The following CTCFL variants were observed in gnomAD, a reference collection of about 807,000 sequenced individuals.
The protein encoded by CTCFL is CCCTC-binding factor like.
In CTCFL, 36 loss-of-function variants were observed where a neutral mutation model predicts 67.4. That is an observed-to-expected ratio of 0.53 (90% CI 0.41 to 0.71). CTCFL has a LOEUF of 0.71. CTCFL is among the 30% of genes least tolerant of loss of function. The probability of loss-of-function intolerance (pLI) is 0.00; values close to 1 mark genes in which losing one functional copy is unlikely to be tolerated. For synonymous variants in CTCFL, 324 were observed against 302.3 expected, an observed-to-expected ratio of 1.07 and a Z score of -0.75; for missense variants, 786 against 835.2, an observed-to-expected ratio of 0.94 and a Z score of 0.73.
chr20:57,513,328 G>T (rs2068686376), intron 7 of CTCFL: 2 of 986,038 alleles, frequency 2.0e-6, no homozygotes, highest in Non-Finnish European at 2.4e-6. Context: ...GGCTGGGTTT[G>T]CTCATCTAAG....
chr20:57,524,609 A>G (rs2069713043), intron 1 of CTCFL: 1 of 1,024,858 alleles, frequency 9.8e-7, no homozygotes, highest in African/African-American at 1.7e-5. Flanking sequence ...GTTTGGGCCC[A>G]GCAGGCTCTC....
chr20:57,512,610 G>A lies in CTCFL; in HGVS notation c.1473C>T (p.Cys491=). Residue 491 remains cysteine, a synonymous_variant, in exon 8 of 11, where the codon TGC becomes TGT. Transcript: ENST00000243914. The part of the protein sequence containing the change: ...KNEKRFKCKH[C]SYACKQERHM... ...ACAATACCTGCTTGCAGGCATAACTGCAGTGTTTGCACTTGAACCTCTTCT... is the reference window on the plus strand; with the variant it reads ...ACAATACCTGCTTGCAGGCATAACTACAGTGTTTGCACTTGAACCTCTTCT... 1 of 1,614,206 alleles carries A rather than the reference G, an allele frequency of 6.2e-7. No individual in the cohort carries two copies. The highest frequency in any genetic ancestry group is 8.5e-7 in the Non-Finnish European group (1 of 1,180,016).
intron 3 of CTCFL, among the ~76,000 whole-genome samples, chr20:57,522,124 A>T (rs933383727): frequency 6.6e-6 from 1 of 152,210 alleles, no homozygotes; most frequent in African/African-American, 2.4e-5. Flanking sequence ...AAAGGCTGCA[A>T]ACTCAACCAC....
chr20:57,518,860 G>T lies in CTCFL; in HGVS notation c.957C>A (p.Asn319Lys). The T allele has an allele frequency of 6.2e-7, 1 of 1,614,050 alleles. No homozygotes were observed. The highest frequency in any genetic ancestry group is 8.5e-7 in the Non-Finnish European group (1 of 1,179,944). The part of the protein sequence containing the change: ...GTRPYKCNDC[N>K]MAFVTSGELV... ...GTTCTCCACTGGTGACAAATGCCAT[G>T]TTGCAGTCGTTACACTTGTAGGGCC... Residue 319 changes from asparagine to lysine, a missense_variant, in exon 5 of 11, where the codon AAC becomes AAA. Asn to Lys is a moderately conservative substitution (Grantham distance 94, BLOSUM62 0). Around this residue, in one of 3 missense-constraint regions of CTCFL, gnomAD observed 254 missense variants for 333.9 expected, o/e 0.76. Transcript: ENST00000243914.
chr20:57,503,565 CT>C lies in CTCFL; in HGVS notation c.1710del (p.Glu572LysfsTer21), dbSNP rs2068026406. 1.9e-6 allele frequency: 3 copies of C among 1,614,074 alleles called. No homozygotes were observed. Among genetic ancestry groups the C allele is most frequent in the East Asian group, 2.2e-5 (1 of 44,866 alleles). ...CCTGAAGCAGCCGACTTTGCTTCCC[CT>C]GATCCACACTTCTCCGAATGTCTGT... ...NLHRHSEKCG[S>X]GEAKSAASGK... On this transcript the variant is annotated frameshift_variant, in exon 10 of 11. Transcript: ENST00000243914. LOFTEE classifies it high-confidence loss of function.
chr20:57,524,916 G>A lies in CTCFL; in HGVS notation c.-12+112C>T, dbSNP rs534638130. 2.0e-3 allele frequency: 450 copies of A among 224,888 alleles called. 1 individual carries two copies. The South Asian group carries it at 0.033, about 17-fold the overall frequency. The allele number at this position is 224,888 out of a possible 1,614,324, so 13.9% of individuals were successfully genotyped here. On this transcript the variant is annotated intron_variant, in intron 1 of 10. Transcript: ENST00000243914. ...CGACCCTCCCAGGCAGCCCCTCAGC[G>A]TCTGCCGCCCGCCCTTGGGCCTTTC...
rs199562826 is a variant in CTCFL at position 57,498,725 on chromosome 20, C to A, written c.1841-24G>T. 74 of 1,586,512 alleles carry A rather than the reference C, an allele frequency of 4.7e-5. 1 individual carries two copies. The East Asian group carries it at 1.5e-3, about 32-fold the overall frequency. On this transcript the variant is annotated intron_variant, in intron 10 of 10. Transcript: ENST00000243914. ...TTCTTGAGAAAAAGTCCAGGATGAG[C>A]AAATTTATCAGAAAGCTAAGGAATT...
upstream of CTCFL, chr20:57,525,236 G>A (rs1442571746): frequency 2.2e-5 from 3 of 137,420 alleles, no homozygotes; most frequent in East Asian, 4.5e-4. Flanking sequence ...TACTGTGGGG[G>A]CAGGGGGGAA....
intron 8 of CTCFL, among the ~76,000 whole-genome samples, chr20:57,509,086 T>G (rs1233104351): frequency 6.6e-6 from 1 of 152,222 alleles, no homozygotes; most frequent in Non-Finnish European, 1.5e-5. Flanking sequence ...GATGGTCCTT[T>G]GTCCTCTCAT....
At chr20:57,521,014 G>A (rs1265697221) in intron 3 of CTCFL, among the ~76,000 whole-genome samples, 1 of 152,254 alleles carries the variant, frequency 6.6e-6, no homozygotes, top group Non-Finnish European at 1.5e-5. Flanking sequence ...TAATGCATCT[G>A]CAAGCCAATG....
At chr20:57,503,010 G>A (rs542453158) in intron 10 of CTCFL, among the ~76,000 whole-genome samples, 2 of 152,288 alleles carry the variant, frequency 1.3e-5, no homozygotes, top group African/African-American at 4.8e-5. Context: ...AGTTGCAAGA[G>A]GCTAGGAGGG....
rs931892464 is a variant in CTCFL, at chr20:57,514,679, T to C, written c.1243A>G (p.Ile415Val). The change falls in exon 7 of 11, where the codon ATA becomes GTA. Residue 415 changes from isoleucine to valine, a missense_variant. Around this residue, in one of 3 missense-constraint regions of CTCFL, gnomAD observed 254 missense variants for 333.9 expected, o/e 0.76. Coordinates refer to ENST00000243914, the MANE Select transcript of CTCFL (RefSeq NM_001386993.1). ...TCGCCGTGTTTCTGCAGAATATGTA[T>C]TTTCATGGTCCCGCTCTGGGTGAAG... ...TRFTQSGTMK[I>V]HILQKHGENV... 1 of 1,614,104 alleles carries C rather than the reference T, an allele frequency of 6.2e-7. No homozygotes were observed. The highest frequency in any genetic ancestry group is 1.3e-5 in the African/African-American group (1 of 74,928).
downstream of CTCFL, chr20:57,496,225 G>T: frequency 1.6e-6 from 1 of 620,886 alleles, no homozygotes. Context: ...GGAGTGTGGC[G>T]CCTCCCCCTC....
At chr20:57,499,852 C>T (rs544466022) in intron 10 of CTCFL, 2 of 524,582 alleles carry the variant, frequency 3.8e-6, no homozygotes, top group Admixed American at 6.4e-5. Context: ...GTGATGCGCC[C>T]GATGGGGAGC....
At chr20:57,500,254 C>A in intron 10 of CTCFL, 2 of 1,008,554 alleles carry the variant, frequency 2.0e-6, no homozygotes, top group South Asian at 1.7e-5. Context: ...CACTTGAGGT[C>A]AGGAGTGAGA....
At chr20:57,513,225 C>G (rs1196274353) in intron 7 of CTCFL, 2 of 981,774 alleles carry the variant, frequency 2.0e-6, no homozygotes, top group African/African-American at 3.5e-5. Context: ...GATATAATAT[C>G]TTTATTTTAC....
intron 10 of CTCFL, among the ~76,000 whole-genome samples, chr20:57,502,672 C>T (rs1276987376): frequency 6.6e-6 from 1 of 152,094 alleles, no homozygotes; most frequent in Non-Finnish European, 1.5e-5. Flanking sequence ...TCAGGTTGGC[C>T]CCTCTTACAG....
intron 7 of CTCFL, chr20:57,513,616 C>T: frequency 8.8e-7 from 1 of 1,130,082 alleles, no homozygotes; most frequent in African/African-American, 1.6e-5. Context: ...CCCACCAAGC[C>T]CCACTGGACT....
intron 2 of CTCFL, 113 bp from the exon 3 acceptor site, chr20:57,523,391 C>A: frequency 9.2e-7 from 1 of 1,084,572 alleles, no homozygotes; most frequent in South Asian, 1.6e-5. Flanking sequence ...GATTATGCAT[C>A]ACAATGTTAA....
Sources: allele counts gnomAD v4.1 joint callset (sites outside exome capture counted in the v4.1 genomes callset), GRCh38; gene constraint gnomAD v4.1.1; regional missense constraint gnomAD v4.1.1; transcripts MANE v1.5; gene names NCBI Gene and HGNC (gene_info 2026-07-23, HGNC 2026-07-21).